The following TAS1R2 variants were observed in gnomAD, a reference collection of about 807,000 sequenced individuals.
TAS1R2 encodes taste receptor type 1 member 2.
In TAS1R2, 47 loss-of-function variants were observed where a neutral mutation model predicts 49.3. The ratio of observed to expected loss-of-function variants is 0.95; its 90% CI spans 0.75 to 1.22. TAS1R2 has a LOEUF of 1.22. Ranked by LOEUF, TAS1R2 falls within the 50% of genes most tolerant of loss-of-function variation. TAS1R2 has a pLI of 0.00. For synonymous variants in TAS1R2, 479 were observed against 467.9 expected (o/e 1.02, Z -0.31); for missense variants, 1,155 against 1,122.1 (o/e 1.03, Z -0.42).
chr1:18,843,583 C>T (rs572269446), intron 4 of TAS1R2, among the ~76,000 whole-genome samples: 75 of 152,312 alleles, frequency 4.9e-4, no homozygotes, highest in Middle Eastern at 3.4e-3. Context: ...CAGAAAATGA[C>T]TCTGAAGAAG....
At chr1:18,859,642 T>C in exon 1 of TAS1R2, 3 of 1,614,192 alleles carry the variant, frequency 1.9e-6, no homozygotes, top group Non-Finnish European at 2.5e-6. Flanking sequence ...GAGGAGATGG[T>C]CTTTGCCCTG....
chr1:18,857,205 C>T (rs532097065), intron 2 of TAS1R2, 126 bp downstream of exon 2: 298 of 1,121,860 alleles, frequency 2.7e-4, no homozygotes, highest in Non-Finnish European at 3.2e-4. Context: ...GGGCTGATGT[C>T]CTGACCCTGC....
chr1:18,840,350 T>C (rs571405850), exon 6 of TAS1R2: 2 of 1,614,084 alleles, frequency 1.2e-6, no homozygotes, highest in South Asian at 2.2e-5. Context: ...TGTCTGGAAG[T>C]GCCTCCAGAA....
intron 4 of TAS1R2, among the ~76,000 whole-genome samples, chr1:18,849,006 C>A (rs1933971772): frequency 1.3e-5 from 2 of 152,186 alleles, no homozygotes; most frequent in South Asian, 4.1e-4. Flanking sequence ...CTAAACCAGT[C>A]CCTGGCGCCA....
chr1:18,844,733 G>T (rs112803652), intron 4 of TAS1R2, among the ~76,000 whole-genome samples: 3,162 of 149,816 alleles, frequency 0.021, 98 homozygotes, highest in African/African-American at 0.074. Context: ...CAGCCTGGGC[G>T]ACAGAGCGAG....
intron 4 of TAS1R2, among the ~76,000 whole-genome samples, chr1:18,842,558 G>A (rs1933847836): frequency 6.6e-6 from 1 of 152,138 alleles, no homozygotes; most frequent in Non-Finnish European, 1.5e-5. Context: ...AATAACAGAA[G>A]GAAGTTTGGG....
At chr1:18,844,884 C>T (rs1242683271) in intron 4 of TAS1R2, among the ~76,000 whole-genome samples, 3 of 152,204 alleles carry the variant, frequency 2.0e-5, no homozygotes, top group Admixed American at 1.3e-4. Context: ...CAGATATGAA[C>T]CCAACAGCTT....
At chr1:18,843,590 G>A (rs1047704486) in intron 4 of TAS1R2, among the ~76,000 whole-genome samples, 5 of 152,226 alleles carry the variant, frequency 3.3e-5, no homozygotes, top group African/African-American at 1.2e-4. Flanking sequence ...TGACTCTGAA[G>A]AAGGCCCTGG....
chr1:18,849,388 G>A lies in TAS1R2; in HGVS notation c.1420C>T (p.Gln474Ter), dbSNP rs1933979498. 1.2e-6 allele frequency: 2 copies of A among 1,614,216 alleles called. No individual in the cohort carries two copies. Among genetic ancestry groups the A allele is most frequent in the African/African-American group, 1.3e-5 (1 of 75,070 alleles). ...GAGATGTCTTGGATGTTCTTCAGCT[G>A]TCGCTGCAGGGGGTAGTAGGAGGCG... Residue 474 changes from glutamine to a stop codon, truncating the protein, a stop_gained, in exon 4 of 6, where the codon CAG becomes TAG. Transcript: ENST00000375371. LOFTEE classifies it high-confidence loss of function.
At chr1:18,841,694 G>A (rs560133540) in intron 5 of TAS1R2, 35 bp downstream of exon 5, 1 of 1,598,602 alleles carries the variant, frequency 6.3e-7, no homozygotes, top group South Asian at 1.1e-5. Context: ...GGCAGGGCAG[G>A]GGCAGGGCAG....
chr1:18,840,592 C>A, intron 5 of TAS1R2, 65 bp from the exon 6 acceptor site: 1 of 1,565,876 alleles, frequency 6.4e-7, no homozygotes, highest in Non-Finnish European at 8.8e-7. Context: ...TCCTCCCAGC[C>A]CTGCACAGGG....
chr1:18,844,957 T>A (rs1933891126), intron 4 of TAS1R2, among the ~76,000 whole-genome samples: 4 of 152,160 alleles, frequency 2.6e-5, no homozygotes, highest in Admixed American at 2.6e-4. Flanking sequence ...CATTCCAGCA[T>A]CAGAGACCCA....
At position 18,854,182 on chromosome 1, in the gene TAS1R2, C is replaced by T. The variant is rs763432038; in HGVS notation, c.1257+31G>A. 6 of 1,599,738 alleles carry T rather than the reference C, an allele frequency of 3.8e-6. No individual in the cohort carries two copies. The highest frequency in any genetic ancestry group is 5.1e-6 in the Non-Finnish European group (6 of 1,170,776). On this transcript the variant is annotated intron_variant, in intron 3 of 5. Coordinates refer to ENST00000375371, the Ensembl canonical transcript of TAS1R2. This position sits in a 1 kb window ranked among gnomAD's most constrained non-coding sequence, Gnocchi z 4.9. Reference sequence around the variant, plus strand: ...CCCCAGGGGAGGAGGATGGAGGTGCCCTGCAGACTCTATGGCAGCCACCCC... The same window carrying T: ...CCCCAGGGGAGGAGGATGGAGGTGCTCTGCAGACTCTATGGCAGCCACCCC...
intron 3 of TAS1R2, among the ~76,000 whole-genome samples, chr1:18,850,130 C>A (rs1282786623): frequency 6.6e-6 from 1 of 152,156 alleles, no homozygotes; most frequent in Admixed American, 6.5e-5. Flanking sequence ...CTCCCAACCC[C>A]CCATCACTCT....
At chr1:18,843,599 G>A (rs866761607) in intron 4 of TAS1R2, among the ~76,000 whole-genome samples, 5 of 152,206 alleles carry the variant, frequency 3.3e-5, no homozygotes, top group Admixed American at 6.5e-5. Context: ...AGAAGGCCCT[G>A]GCTTCTGTAT....
In TAS1R2 at chr1:18,854,160, C is replaced by A. The variant is rs1934081758; in HGVS notation, c.1257+53G>T. The A allele has an allele frequency of 6.4e-6, 10 of 1,560,834 alleles. No homozygotes were observed. The highest frequency in any genetic ancestry group is 4.5e-5 in the East Asian group (2 of 44,060). On this transcript the variant is annotated intron_variant, in intron 3 of 5. Transcript: ENST00000375371. This position sits in a 1 kb window ranked among gnomAD's most constrained non-coding sequence, Gnocchi z 4.9. ...TTTCACACCCATTTGCCCAGAACCC[C>A]AGGGGAGGAGGATGGAGGTGCCCTG...
At chr1:18,840,255 C>A (rs968855809) in exon 6 of TAS1R2, 3 of 1,613,912 alleles carry the variant, frequency 1.9e-6, no homozygotes, top group East Asian at 2.2e-5. Flanking sequence ...GGCGGCCCCA[C>A]GTACACCGGG....
chr1:18,844,229 A>G (rs1396438879), intron 4 of TAS1R2, among the ~76,000 whole-genome samples: 2 of 152,186 alleles, frequency 1.3e-5, no homozygotes, highest in Non-Finnish European at 1.5e-5. Flanking sequence ...GTGTGAATGG[A>G]GAGATGTCCT....
Position 18,854,793 on chromosome 1 carries a change from C to T in TAS1R2, c.677G>A (p.Arg226His), listed in dbSNP as rs777052368. 1.5e-5 allele frequency: 24 copies of T among 1,605,316 alleles called. No individual in the cohort carries two copies. Among genetic ancestry groups the T allele is most frequent in the East Asian group, 1.1e-4 (5 of 44,730 alleles). The change falls in exon 3 of 6, where the codon CGC becomes CAC. Residue 226 changes from arginine (R) to histidine (H), a missense_variant. Coordinates refer to ENST00000375371, the Ensembl canonical transcript of TAS1R2. This position sits in a 1 kb window ranked among gnomAD's most constrained non-coding sequence, Gnocchi z 4.9. Reference sequence around the variant, plus strand: ...GATGCAGATGTCGCGCCGGGCCACGCGCTCGCCAAGCAGCTGGCCATTGTC... The same window carrying T: ...GATGCAGATGTCGCGCCGGGCCACGTGCTCGCCAAGCAGCTGGCCATTGTC...
Sources: gnomAD v4.1 joint callset for allele counts (sites outside exome capture counted in the v4.1 genomes callset) on GRCh38, gnomAD v4.1.1 for gene constraint, Gnocchi (gnomAD v3.1) non-coding constraint, MANE v1.5 for transcripts, NCBI Gene and HGNC (gene_info 2026-07-23, HGNC 2026-07-21) for gene names.